The following OGG1 variants were observed in gnomAD, a reference collection of about 807,000 sequenced individuals.
OGG1 encodes N-glycosylase/DNA lyase.
A neutral mutation model predicts 42.3 loss-of-function variants in OGG1; 35 were observed. The ratio of observed to expected loss-of-function variants is 0.83; its 90% CI spans 0.63 to 1.10. OGG1 has a LOEUF of 1.10. OGG1 is among the 50% of genes least tolerant of loss of function. The pLI, the probability that OGG1 is intolerant of heterozygous loss-of-function variation, is 0.00. For missense variants in OGG1, 484 were observed against 446.7 expected (o/e 1.08, Z -0.75); for synonymous variants, 189 against 179.0 (o/e 1.06, Z -0.44).
chr3:9,787,400 C>T (rs763094157), intron 3 of OGG1: 5 of 1,539,764 alleles, frequency 3.2e-6, no homozygotes, highest in Non-Finnish European at 4.4e-6. Context: ...ATGCTTCATT[C>T]ATTCATTCAC....
intron 2 of OGG1, among the ~76,000 whole-genome samples, chr3:9,774,488 C>G (rs1420039050): frequency 6.6e-6 from 1 of 151,298 alleles, no homozygotes; most frequent in Non-Finnish European, 1.5e-5. Flanking sequence ...AAACCCTACT[C>G]TACTCCGAAA....
Position 9,762,974 on chromosome 3 carries a change from G to A in OGG1, c.1049-2835G>A, listed in dbSNP as rs886733235. The A allele has an allele frequency of 9.9e-6, 16 of 1,614,006 alleles. No individual in the cohort carries two copies. In the African/African-American group the frequency reaches 2.1e-4, roughly 22 times the overall value. On this transcript the variant is annotated intron_variant, in intron 7 of 7. Coordinates refer to the OGG1 transcript ENST00000302008. ...GGTATTTCACAGCATCCAGCACCTG[G>A]AAGATGAGGCGGCTGGCGTCCCGCT...
At chr3:9,771,441 C>T (rs1458673886), downstream of OGG1, among the ~76,000 whole-genome samples, 1 of 152,158 alleles carries the variant, frequency 6.6e-6, no homozygotes, top group Non-Finnish European at 1.5e-5. Flanking sequence ...GTTTCTTACT[C>T]GGGAACATGG....
chr3:9,785,449 G>T (rs2078585270), intron 3 of OGG1: 2 of 1,544,752 alleles, frequency 1.3e-6, no homozygotes, highest in Non-Finnish European at 8.9e-7. Flanking sequence ...AAAATGAGTG[G>T]AAGGAAAAAT....
At chr3:9,755,585 T>C (rs1273230292) in intron 4 of OGG1, among the ~76,000 whole-genome samples, 1 of 151,162 alleles carries the variant, frequency 6.6e-6, no homozygotes, top group Non-Finnish European at 1.5e-5. Context: ...TGCCTCAGCC[T>C]CCAGATTAGC....
chr3:9,787,759 G>C (rs781127506), exon 4 of OGG1: 4 of 1,240,000 alleles, frequency 3.2e-6, no homozygotes, highest in Non-Finnish European at 4.2e-6. Context: ...TAAGTGAAGT[G>C]AAAGAGAGAG....
At chr3:9,780,264 G>A in intron 2 of OGG1, 2 of 1,371,590 alleles carry the variant, frequency 1.5e-6, no homozygotes, top group East Asian at 4.6e-5. Flanking sequence ...TTGAGGGACA[G>A]CCACAGGCCA....
Position 9,773,410 on chromosome 3 carries a change from G to A in OGG1, c.295-8103G>A, listed in dbSNP as rs558360288. 4.0e-3 allele frequency among the ~76,000 whole-genome samples: 603 copies of A among 151,802 alleles called. 3 individuals are homozygous for A. The highest frequency in any genetic ancestry group is 6.7e-3 in the Non-Finnish European group (453 of 67,920). ...CAAAAAATTAGCCAGGCGTGGTGGC[G>A]GGCGCCTGTAGTCCCAGCTAATCAG... On this transcript the variant is annotated intron_variant, in intron 2 of 3. Transcript: ENST00000426518.
chr3:9,757,455 G>A (rs2077631973), downstream of OGG1: 1 of 1,603,658 alleles, frequency 6.2e-7, no homozygotes, highest in Non-Finnish European at 8.5e-7. The surrounding 1 kb of genome is among the most constrained non-coding windows in gnomAD (Gnocchi z 4.5). Context: ...ACAGGGCAGA[G>A]AAACTCCCGG....
At chr3:9,767,913 CAA>C, downstream of OGG1, 1 of 1,304,440 alleles carries the variant, frequency 7.7e-7, no homozygotes, top group Non-Finnish European at 1.0e-6. Context: ...AATCATTCAA[CAA>C]ACATTCATTT....
At position 9,754,829 on chromosome 3, in the gene OGG1, T is replaced by G. The variant is rs762446854; in HGVS notation, c.691T>G (p.Ser231Ala). The change falls in exon 4 of 7, where the codon TCC (serine) becomes GCC (alanine). Residue 231 changes from serine (S) to alanine (A), a missense_variant. Coordinates refer to ENST00000344629, the MANE Select transcript of OGG1 (RefSeq NM_002542.6). ...AGCCTGGCTGCAGCAGCTACGAGAG[T>G]CCTCATATGAGGAGGCCCACAAGGC... ...GLAWLQQLRE[S>A]SYEEAHKALC... The G allele has an allele frequency of 6.2e-7, 1 of 1,611,086 alleles. No homozygotes were observed. Among genetic ancestry groups the G allele is most frequent in the Non-Finnish European group, 8.5e-7 (1 of 1,178,768 alleles).
intron 7 of OGG1, chr3:9,765,670 TA>T: frequency 4.8e-6 from 7 of 1,464,294 alleles, no homozygotes; most frequent in Non-Finnish European, 5.6e-6. Flanking sequence ...TTAGAGAGTT[TA>T]AATGATTTGT....
At chr3:9,751,977 GC>G in intron 3 of OGG1, 28 bp downstream of exon 3, 1 of 1,606,756 alleles carries the variant, frequency 6.2e-7, no homozygotes. Flanking sequence ...CTGCCCCCAG[GC>G]CTTCCATCAG....
intron 4 of OGG1, among the ~76,000 whole-genome samples, chr3:9,756,126 G>A (rs2077540372): frequency 6.6e-6 from 1 of 152,042 alleles, no homozygotes; most frequent in Non-Finnish European, 1.5e-5. Flanking sequence ...AGACCAGGCT[G>A]GCCAACATGG....
At chr3:9,752,628 A>C (rs1243062232) in intron 3 of OGG1, among the ~76,000 whole-genome samples, 1 of 152,086 alleles carries the variant, frequency 6.6e-6, no homozygotes, top group Non-Finnish European at 1.5e-5. Context: ...GTAGCCCTGT[A>C]AGGCAAATGT....
chr3:9,788,381 G>T (rs1385618331), downstream of OGG1, among the ~76,000 whole-genome samples: 2 of 151,890 alleles, frequency 1.3e-5, no homozygotes, highest in Admixed American at 1.3e-4. Flanking sequence ...GAGCAGCTGG[G>T]ACTACAGGCG....
At chr3:9,787,087 C>T in intron 3 of OGG1, 1 of 1,614,228 alleles carries the variant, frequency 6.2e-7, no homozygotes, top group Non-Finnish European at 8.5e-7. Context: ...GGGCCTCAGA[C>T]TTCTTCAGCA....
intron 3 of OGG1, 147 bp from the exon 4 acceptor site, chr3:9,754,555 TAA>T (rs1330741036): frequency 5.0e-6 from 4 of 802,966 alleles, no homozygotes; most frequent in Admixed American, 4.1e-5. Flanking sequence ...CCCTTGCACA[TAA>T]AAGTGTCCAC....
chr3:9,780,000 T>TTAAG (rs2078422630), intron 2 of OGG1: 2 of 186,500 alleles, frequency 1.1e-5, no homozygotes, highest in East Asian at 2.7e-4. Context: ...CACTTTATTC[T>TTAAG]TAAGTTTGCA....
Sources: allele counts gnomAD v4.1 joint callset (sites outside exome capture counted in the v4.1 genomes callset), GRCh38; gene constraint gnomAD v4.1.1; non-coding constraint Gnocchi (gnomAD v3.1); transcripts MANE v1.5; gene names NCBI Gene and HGNC (gene_info 2026-07-23, HGNC 2026-07-21).